The following LRRTM4 variants were observed in gnomAD, a reference collection of about 807,000 sequenced individuals.
The protein encoded by LRRTM4 is leucine rich repeat transmembrane neuronal 4.
In LRRTM4, 25 loss-of-function variants were observed where a neutral mutation model predicts 47.6. The ratio of observed to expected loss-of-function variants is 0.53; its 90% CI spans 0.38 to 0.73. The LOEUF is 0.73. Among genes scored for constraint, LRRTM4 ranks in the 30% least tolerant of loss-of-function variants. The pLI, the probability that LRRTM4 is intolerant of heterozygous loss-of-function variation, is 0.00. For missense variants in LRRTM4, 638 were observed against 713.4 expected (o/e 0.89, Z 1.20); for synonymous variants, 311 against 269.5 (o/e 1.15, Z -1.51).
intron 3 of LRRTM4, among the ~76,000 whole-genome samples, chr2:76,909,829 T>C (rs79687014): frequency 0.2 from 29,918 of 152,030 alleles, 4,222 homozygotes; most frequent in East Asian, 0.59. Context: ...TGGCAATCAT[T>C]AAAAAGGCAG....
At chr2:77,142,975 C>T (rs1672165564) in intron 3 of LRRTM4, among the ~76,000 whole-genome samples, 1 of 152,146 alleles carries the variant, frequency 6.6e-6, no homozygotes, top group African/African-American at 2.4e-5. Flanking sequence ...GGATTGCATT[C>T]TTCCTATATT....
intron 3 of LRRTM4, among the ~76,000 whole-genome samples, chr2:77,014,741 GGTGGAGGTTGCAGTGA>G (rs1677998591): frequency 6.6e-6 from 1 of 152,114 alleles, no homozygotes; most frequent in South Asian, 2.1e-4. Context: ...GAACCTGGGA[GGTGGAGGTTGCAGTGA>G]GTGGAGATTG....
At chr2:76,905,096 C>T (rs532636181) in intron 3 of LRRTM4, among the ~76,000 whole-genome samples, 5 of 152,208 alleles carry the variant, frequency 3.3e-5, no homozygotes, top group African/African-American at 1.2e-4. Context: ...TAGGAGGCAC[C>T]CCCCAGTAGG....
intron 3 of LRRTM4, among the ~76,000 whole-genome samples, chr2:76,912,287 T>C (rs1160641654): frequency 6.6e-6 from 1 of 152,174 alleles, no homozygotes; most frequent in Non-Finnish European, 1.5e-5. Flanking sequence ...TTTTATAACC[T>C]GTTTTCGTTA....
At chr2:77,138,622 C>A (rs1035561571) in intron 3 of LRRTM4, among the ~76,000 whole-genome samples, 2 of 151,994 alleles carry the variant, frequency 1.3e-5, no homozygotes, top group East Asian at 3.9e-4. Flanking sequence ...TAACTAAGAT[C>A]AGAGCAGAAC....
chr2:76,753,195 T>C (rs981526064), intron 3 of LRRTM4, among the ~76,000 whole-genome samples: 4 of 152,190 alleles, frequency 2.6e-5, no homozygotes, highest in Non-Finnish European at 4.4e-5. Context: ...TTTAATCCTC[T>C]TGAGTTTCAA....
At chr2:76,865,845 C>A (rs1255820677) in intron 3 of LRRTM4, among the ~76,000 whole-genome samples, 2 of 152,130 alleles carry the variant, frequency 1.3e-5, no homozygotes, top group African/African-American at 4.8e-5. Context: ...TGTCACTTTG[C>A]ATGTTTCAAG....
chr2:77,124,821 A>G (rs548852491), intron 3 of LRRTM4, among the ~76,000 whole-genome samples: 4 of 152,224 alleles, frequency 2.6e-5, no homozygotes, highest in Admixed American at 2.0e-4. Context: ...CATGATATCC[A>G]TCTTCTTCAG....
chr2:76,782,120 C>G (rs1361568941), intron 3 of LRRTM4, among the ~76,000 whole-genome samples: 2 of 152,178 alleles, frequency 1.3e-5, no homozygotes, highest in African/African-American at 4.8e-5. Context: ...TTTCTTATAG[C>G]TATCTTGCAC....
chr2:77,070,794 C>A (rs758925237), intron 3 of LRRTM4, among the ~76,000 whole-genome samples: 1 of 152,042 alleles, frequency 6.6e-6, no homozygotes, highest in Non-Finnish European at 1.5e-5. Context: ...CCATGCCCAG[C>A]TAATTTTTGT....
intron 3 of LRRTM4, among the ~76,000 whole-genome samples, chr2:77,055,345 G>A (rs367781018): frequency 4.6e-5 from 7 of 152,246 alleles, no homozygotes; most frequent in African/African-American, 7.2e-5. Flanking sequence ...CTGGGCACAC[G>A]TACATCTCTT....
At chr2:77,217,593 G>T (rs1489321078) in intron 3 of LRRTM4, among the ~76,000 whole-genome samples, 2 of 151,228 alleles carry the variant, frequency 1.3e-5, no homozygotes, top group African/African-American at 4.9e-5. Flanking sequence ...CTGTTTGTTT[G>T]GGGGTCATGT....
intron 3 of LRRTM4, among the ~76,000 whole-genome samples, chr2:77,297,219 C>T (rs112438657): frequency 5.3e-5 from 8 of 152,036 alleles, no homozygotes; most frequent in South Asian, 4.1e-4. Context: ...ACAAGGGGGC[C>T]GTAGGAGGCC....
intron 3 of LRRTM4, among the ~76,000 whole-genome samples, chr2:76,963,503 T>A (rs1675929938): frequency 1.3e-5 from 2 of 150,918 alleles, no homozygotes; most frequent in South Asian, 4.1e-4. Context: ...TTTGAAAAAA[T>A]ATTTGATTCA....
chr2:76,807,490 A>G (rs1670558085), intron 3 of LRRTM4, among the ~76,000 whole-genome samples: 2 of 142,458 alleles, frequency 1.4e-5, no homozygotes, highest in Non-Finnish European at 3.0e-5. Context: ...ATATATACAT[A>G]TATATATATA....
intron 3 of LRRTM4, among the ~76,000 whole-genome samples, chr2:76,774,967 G>T (rs1179856024): frequency 1.3e-5 from 2 of 152,092 alleles, no homozygotes; most frequent in South Asian, 2.1e-4. Context: ...AGCAGGTACT[G>T]GTTCAAAAGC....
chr2:77,266,723 A>G (rs6757435), intron 3 of LRRTM4, among the ~76,000 whole-genome samples: 13,078 of 152,130 alleles, frequency 0.086, 1,822 homozygotes, highest in African/African-American at 0.3. Context: ...TGCAGGAAGC[A>G]GGAGGACAGT....
chr2:77,014,503 C>CATATATATATAT lies in LRRTM4; in HGVS notation c.1552-265599_1552-265588dup, dbSNP rs71381251. Among the ~76,000 whole-genome samples, 248 of 139,152 alleles carry CATATATATATAT rather than the reference C, an allele frequency of 1.8e-3. 7 individuals carry two copies. Among genetic ancestry groups the CATATATATATAT allele is most frequent in the Non-Finnish European group, 3.3e-3 (201 of 61,432 alleles). The allele number at this position is 139,152 out of a possible 152,430, so 91.3% of individuals were successfully genotyped here. ...TGCAGAAGAAGCATTTGTGCCCTTT[C>CATATATATATAT]ATATATATATATATAAAGATTTTAT... On this transcript the variant is annotated intron_variant, in intron 3 of 3. Coordinates refer to ENST00000409884, the MANE Select transcript of LRRTM4 (RefSeq NM_001134745.3).
intron 3 of LRRTM4, among the ~76,000 whole-genome samples, chr2:77,322,293 T>A (rs574102109): frequency 6.6e-6 from 1 of 152,226 alleles, no homozygotes; most frequent in East Asian, 1.9e-4. Flanking sequence ...TATCACTGTG[T>A]TATTTCACCA....
Sources: gnomAD v4.1 joint callset for allele counts (sites outside exome capture counted in the v4.1 genomes callset) on GRCh38, gnomAD v4.1.1 for gene constraint, MANE v1.5 for transcripts, NCBI Gene and HGNC (gene_info 2026-07-23, HGNC 2026-07-21) for gene names.